Variants in PTPRB observed in about 807,000 individuals in gnomAD.
PTPRB encodes protein tyrosine phosphatase receptor type B.
Under a neutral mutation model 238.1 loss-of-function variants are expected in PTPRB, and 97 were observed. That is an observed-to-expected ratio of 0.41 (90% CI 0.35 to 0.48). The LOEUF (loss-of-function observed/expected upper bound fraction) is 0.48. Among genes scored for constraint, PTPRB ranks in the 20% least tolerant of loss-of-function variants. The pLI is 0.30. For missense variants in PTPRB, 2,292 were observed against 2,681.9 expected, an observed-to-expected ratio of 0.85 and a Z score of 3.21; for synonymous variants, 970 against 995.4, an observed-to-expected ratio of 0.97 and a Z score of 0.48.
chr12:70,538,221 C>T lies in PTPRB; in HGVS notation c.5880G>A (p.Thr1960=), dbSNP rs909833316. ...RYNNILPYDA[T]RVKLSNVDDD... The stretch of plus-strand genomic sequence containing the variant: ...CATCTACATTGGAGAGCTTCACTCG[C>T]GTGGCATCATCTGGAAGGAGAGATT... Residue 1960 remains threonine, a synonymous_variant, in exon 28 of 34, where the codon ACG becomes ACA. Transcript: ENST00000334414. 1.1e-5 allele frequency: 17 copies of T among 1,613,162 alleles called. No homozygotes were observed. The East Asian group carries it at 1.1e-4, about 11-fold the overall frequency.
intron 32 of PTPRB, among the ~76,000 whole-genome samples, chr12:70,526,050 C>T (rs1329813800): frequency 6.6e-6 from 1 of 152,102 alleles, no homozygotes; most frequent in Non-Finnish European, 1.5e-5. Context: ...TTAGCTCTTT[C>T]CTCACTAACA....
chr12:70,587,303 A>T (rs189461133), intron 8 of PTPRB, 36 bp from the exon 9 acceptor site: 2 of 1,606,774 alleles, frequency 1.2e-6, no homozygotes, highest in African/African-American at 2.7e-5. Flanking sequence ...TCATTGATGG[A>T]CTGAGGCATA....
chr12:70,548,455 A>C, intron 21 of PTPRB, among the ~76,000 whole-genome samples: 1 of 151,586 alleles, frequency 6.6e-6, no homozygotes, highest in Non-Finnish European at 1.5e-5. Flanking sequence ...TCTAGTTCTC[A>C]CTCTTACTCC....
intron 10 of PTPRB, among the ~76,000 whole-genome samples, chr12:70,579,448 C>A (rs1881131315): frequency 6.6e-6 from 1 of 152,120 alleles, no homozygotes; most frequent in Non-Finnish European, 1.5e-5. Context: ...CCTGTGATCC[C>A]AGCCCTTTGG....
rs775176016 is a variant in PTPRB, at chr12:70,539,827, CAAG to C, written c.5693_5695del (p.Ser1898del). ...GTAATTAATGTGTTCTCTCTCTTAC[CAAG>C]AAGTTTTCCGGTTACTGTGAAGAGA... On this transcript the variant is annotated inframe_deletion and splice_region_variant, in exon 25 of 34. Transcript: ENST00000334414. The C allele has an allele frequency of 1.3e-6, 2 of 1,595,172 alleles. No individual in the cohort carries two copies. Among genetic ancestry groups the C allele is most frequent in the African/African-American group, 2.7e-5 (2 of 74,436 alleles).
chr12:70,629,978 A>T (rs950093988), intron 2 of PTPRB, among the ~76,000 whole-genome samples: 18 of 152,202 alleles, frequency 1.2e-4, no homozygotes, highest in African/African-American at 3.9e-4. Context: ...AAAAAAGTCC[A>T]GGACCAGATG....
intron 5 of PTPRB, among the ~76,000 whole-genome samples, chr12:70,595,207 C>T (rs1049088409): frequency 6.6e-5 from 10 of 152,052 alleles, no homozygotes; most frequent in African/African-American, 2.4e-4. Context: ...AACAGAAAAC[C>T]AAACACTGCA....
Position 70,622,951 on chromosome 12 carries a change from G to C in PTPRB, c.452-305C>G, listed in dbSNP as rs113225086. On this transcript the variant is annotated intron_variant, in intron 2 of 33. Coordinates refer to ENST00000334414, the MANE Select transcript of PTPRB (RefSeq NM_001109754.4). ...TTAAACCTATTCTATGAGAATTTAG[G>C]GGGGGGGTCACTGAATTGGCTTCAG... is the stretch of plus-strand genomic sequence containing the variant. Among the ~76,000 whole-genome samples the C allele has an allele frequency of 7.1e-3, 959 of 135,462 alleles. 8 individuals are homozygous for C. Among genetic ancestry groups the C allele is most frequent in the African/African-American group, 0.025 (896 of 35,282 alleles). The allele number at this position is 135,462 out of a possible 152,430, so 88.9% of individuals were successfully genotyped here. A position where few individuals can be genotyped will look rare whatever the true frequency, so the allele number is the denominator to read the frequency against.
At chr12:70,544,368 AC>A (rs34516757) in intron 22 of PTPRB, among the ~76,000 whole-genome samples, 188 bp downstream of exon 22, 6 of 152,122 alleles carry the variant, frequency 3.9e-5, no homozygotes, top group Admixed American at 3.9e-4. Context: ...TTTTAGATTA[AC>A]CCCCTTTCAA....
At chr12:70,568,241 A>G (rs1020739940) in intron 14 of PTPRB, among the ~76,000 whole-genome samples, 6 of 151,908 alleles carry the variant, frequency 3.9e-5, no homozygotes, top group African/African-American at 1.2e-4. Context: ...TTACTTTTCT[A>G]TCTCCTTCAC....
At chr12:70,534,372 G>C in intron 31 of PTPRB, 116 bp downstream of exon 31, 1 of 1,175,720 alleles carries the variant, frequency 8.5e-7, no homozygotes, top group Non-Finnish European at 1.2e-6. Flanking sequence ...AGGCAGGCTG[G>C]TTGGTCCAGA....
rs776111681 is a variant in PTPRB at position 70,596,217 on chromosome 12, A to G, written c.1090T>C (p.Leu364=). 2 of 1,613,782 alleles carry G rather than the reference A, an allele frequency of 1.2e-6. No homozygotes were observed. Among genetic ancestry groups the G allele is most frequent in the Non-Finnish European group, 1.7e-6 (2 of 1,179,844 alleles). The change falls in exon 5 of 34, where the codon TTA becomes CTA. Residue 364 remains leucine (L), a synonymous_variant. Coordinates refer to ENST00000334414, the MANE Select transcript of PTPRB (RefSeq NM_001109754.4). The part of the protein sequence containing the change: ...SGKVTSYEVQ[L]FDENNQKIQG... The stretch of plus-strand genomic sequence containing the variant: ...ATCTTTTGGTTATTTTCATCAAATA[A>G]TTGCACCTCATATGAGGTGACTTTT...
rs545067765 is a variant in PTPRB, at chr12:70,568,128, T to C, written c.3635-1424A>G. On this transcript the variant is annotated intron_variant, in intron 14 of 33. Transcript: ENST00000334414. ...GACTTCTTAGTCTTTCTTTAAATAT[T>C]ACTTCCTCCTGAAAGCCTTCCCTGA... Among the ~76,000 whole-genome samples, 157 of 152,338 alleles carry C rather than the reference T, an allele frequency of 1.0e-3. 1 individual carries two copies. The highest frequency in any genetic ancestry group is 0.01 in the Middle Eastern group (3 of 294).
Position 70,560,688 on chromosome 12 carries a change from G to A in PTPRB, c.4415C>T (p.Thr1472Ile). 1.9e-6 allele frequency: 3 copies of A among 1,612,672 alleles called. No homozygotes were observed. Among genetic ancestry groups the A allele is most frequent in the South Asian group, 1.1e-5 (1 of 90,996 alleles). Residue 1472 changes from threonine to isoleucine, a missense_variant, in exon 17 of 34, where the codon ACA becomes ATA. Thr to Ile is a moderately conservative substitution (Grantham distance 89). Transcript: ENST00000334414. This position sits in a 1 kb window ranked among gnomAD's most constrained non-coding sequence, Gnocchi z 4.2. The stretch of plus-strand genomic sequence containing the variant: ...CTTCTCACCTGTTCTGCTCTCCGCT[G>A]TGACTTTATTGCTGAGATCTCCACT... ...THSGDLSNKV[T>I]AESRTAPSPP...
intron 15 of PTPRB, among the ~76,000 whole-genome samples, chr12:70,564,411 C>T (rs535262206): frequency 1.3e-3 from 197 of 150,262 alleles, no homozygotes; most frequent in African/African-American, 3.5e-3. Context: ...GGTATGCACT[C>T]GGGAGGCTGA....
chr12:70,603,259 C>T (rs1404677674), intron 4 of PTPRB, among the ~76,000 whole-genome samples: 1 of 152,072 alleles, frequency 6.6e-6, no homozygotes, highest in Non-Finnish European at 1.5e-5. Flanking sequence ...CTGTAAATGG[C>T]TGATTACAAA....
At position 70,556,021 on chromosome 12, in the gene PTPRB, T is replaced by A. The variant is rs369266489; in HGVS notation, c.4842A>T (p.Glu1614Asp). ...TCTCCAGCTTTCTGGAAAACTCAAC[T>A]TCTTGGGTGTCCATTTTCCGGCATT... ...SIECRKMDTQEVEFSRKLEKE... is the reference protein window; with the variant it reads ...SIECRKMDTQDVEFSRKLEKE... Residue 1614 changes from glutamate (E) to aspartate (D), a missense_variant, in exon 19 of 34, where the codon GAA (glutamate) becomes GAT (aspartate). Transcript: ENST00000334414. 4 of 1,614,002 alleles carry A rather than the reference T, an allele frequency of 2.5e-6. No individual in the cohort carries two copies. The Admixed American group carries it at 5.0e-5, about 20-fold the overall frequency.
chr12:70,587,244 G>A lies in PTPRB; in HGVS notation c.2074C>T (p.Arg692Cys), dbSNP rs201530050. 4.0e-5 allele frequency: 64 copies of A among 1,613,768 alleles called. No individual in the cohort carries two copies. The highest frequency in any genetic ancestry group is 1.3e-4 in the East Asian group (6 of 44,894). ...RTVPLAVLQLRVKHANETSLS... is the reference protein window; with the variant it reads ...RTVPLAVLQLCVKHANETSLS... ...GAGGTTTCATTGGCATGTTTGACAC[G>A]AAGCTGGAGGACAGCCAGGGGGACT... The change falls in exon 9 of 34, where the codon CGT (arginine) becomes TGT (cysteine). Residue 692 changes from arginine (R) to cysteine (C), a missense_variant. Arg to Cys is a radical substitution (Grantham distance 180). Coordinates refer to ENST00000334414, the MANE Select transcript of PTPRB (RefSeq NM_001109754.4).
chr12:70,557,193 A>T (rs1877818099), intron 18 of PTPRB, among the ~76,000 whole-genome samples: 1 of 152,174 alleles, frequency 6.6e-6, no homozygotes, highest in Admixed American at 6.5e-5. Flanking sequence ...CCAAAGGAGG[A>T]GGTGCCGGAG....
Sources: gnomAD v4.1 joint callset for allele counts (sites outside exome capture counted in the v4.1 genomes callset) on GRCh38, gnomAD v4.1.1 for gene constraint, Gnocchi (gnomAD v3.1) non-coding constraint, MANE v1.5 for transcripts, NCBI Gene and HGNC (gene_info 2026-07-23, HGNC 2026-07-21) for gene names.